The following ATXN8OS variants were observed in gnomAD, a reference collection of about 807,000 sequenced individuals.
The protein encoded by ATXN8OS is ATXN8 opposite strand (non-protein coding).
chr13:70,132,656 T>C (rs1222818107), intron 3 of ATXN8OS, among the ~76,000 whole-genome samples: 3 of 152,184 alleles, frequency 2.0e-5, no homozygotes, highest in Non-Finnish European at 4.4e-5. Flanking sequence ...CTCATTGAGA[T>C]AGACTACATA....
chr13:70,112,317 TATAAA>T (rs1888208317), intron 1 of ATXN8OS, among the ~76,000 whole-genome samples: 2 of 152,172 alleles, frequency 1.3e-5, no homozygotes, highest in African/African-American at 4.8e-5. Context: ...CATACATTAA[TATAAA>T]ATATTATTTA....
At chr13:70,165,456 T>G (rs1015108212) in intron 4 of ATXN8OS, among the ~76,000 whole-genome samples, 2 of 151,912 alleles carry the variant, frequency 1.3e-5, no homozygotes, top group African/African-American at 2.4e-5. Context: ...TTTAAAAAAC[T>G]TATTGAATAC....
chr13:70,107,786 G>A (rs1033866933), exon 1 of ATXN8OS: 1 of 1,041,508 alleles, frequency 9.6e-7, no homozygotes, highest in South Asian at 1.7e-5. Flanking sequence ...GCCCGGGGGC[G>A]GAGGAAGAGG....
chr13:70,153,548 C>A (rs1469604031), intron 4 of ATXN8OS, among the ~76,000 whole-genome samples: 1 of 151,884 alleles, frequency 6.6e-6, no homozygotes, highest in Non-Finnish European at 1.5e-5. Flanking sequence ...GCACTCCAGC[C>A]CGGGCAACAG....
chr13:70,145,537 T>C (rs1228462826), intron 3 of ATXN8OS, among the ~76,000 whole-genome samples: 1 of 152,008 alleles, frequency 6.6e-6, no homozygotes, highest in Non-Finnish European at 1.5e-5. Flanking sequence ...TGAGCAGTGG[T>C]TTGTAGTTCT....
chr13:70,169,120 A>G (rs773026535), intron 4 of ATXN8OS, among the ~76,000 whole-genome samples: 3 of 152,160 alleles, frequency 2.0e-5, no homozygotes, highest in Admixed American at 2.0e-4. Flanking sequence ...TAAGATAATA[A>G]AATGGAATTT....
intron 2 of ATXN8OS, among the ~76,000 whole-genome samples, chr13:70,124,319 G>A (rs1888399031): frequency 6.6e-6 from 1 of 151,134 alleles, no homozygotes; most frequent in Admixed American, 6.6e-5. Flanking sequence ...AGATACACAA[G>A]CAAATATATA....
At chr13:70,119,322 G>C (rs2137473875) in intron 2 of ATXN8OS, among the ~76,000 whole-genome samples, 1 of 152,132 alleles carries the variant, frequency 6.6e-6, no homozygotes, top group South Asian at 2.1e-4. Context: ...TTTTTAACAA[G>C]AGAGAATTTT....
intron 1 of ATXN8OS, among the ~76,000 whole-genome samples, chr13:70,110,864 G>A (rs1427870456): frequency 6.6e-6 from 1 of 152,114 alleles, no homozygotes; most frequent in African/African-American, 2.4e-5. Flanking sequence ...ATTGACTTGT[G>A]AGTCAATTAA....
chr13:70,146,078 A>C, intron 3 of ATXN8OS, among the ~76,000 whole-genome samples: 1 of 129,686 alleles, frequency 7.7e-6, no homozygotes, highest in East Asian at 2.6e-4. Context: ...AAAAAAAAAA[A>C]CAACCCCATC....
chr13:70,118,940 A>G (rs2137473589), intron 2 of ATXN8OS, among the ~76,000 whole-genome samples: 1 of 151,770 alleles, frequency 6.6e-6, no homozygotes, highest in South Asian at 2.1e-4. Flanking sequence ...TTGCAAACCC[A>G]GACTATAGAT....
chr13:70,138,140 A>G (rs951136996), intron 3 of ATXN8OS, among the ~76,000 whole-genome samples: 4 of 152,188 alleles, frequency 2.6e-5, no homozygotes, highest in Admixed American at 2.6e-4. Context: ...TTGGGTGCCG[A>G]CACAGAGCCA....
intron 3 of ATXN8OS, among the ~76,000 whole-genome samples, chr13:70,143,334 T>A (rs1888741265): frequency 6.6e-6 from 1 of 152,132 alleles, no homozygotes; most frequent in Non-Finnish European, 1.5e-5. Context: ...CCAGAGGAAT[T>A]TACCTATTGA....
chr13:70,151,899 A>C (rs1888872899), intron 4 of ATXN8OS, among the ~76,000 whole-genome samples: 1 of 152,078 alleles, frequency 6.6e-6, no homozygotes, highest in Admixed American at 6.6e-5. Context: ...ATTGAGGTAA[A>C]ATCAGTAAAT....
intron 3 of ATXN8OS, chr13:70,130,860 G>A (rs1158799966): frequency 5.0e-6 from 2 of 398,322 alleles, no homozygotes; most frequent in Non-Finnish European, 8.8e-6. Flanking sequence ...TATAGAGAAG[G>A]CAGCAAATCA....
At chr13:70,131,124 T>C (rs1888527396) in intron 3 of ATXN8OS, 1 of 398,466 alleles carries the variant, frequency 2.5e-6, no homozygotes, top group Non-Finnish European at 4.4e-6. Flanking sequence ...TGTAAGAATA[T>C]CCAAGGGCAC....
chr13:70,110,174 G>T (rs2090533264), intron 1 of ATXN8OS, among the ~76,000 whole-genome samples: 1 of 152,046 alleles, frequency 6.6e-6, no homozygotes, highest in African/African-American at 2.4e-5. Flanking sequence ...TAAAAATATT[G>T]TCACATTTAG....
intron 4 of ATXN8OS, among the ~76,000 whole-genome samples, chr13:70,163,683 A>G (rs949769386): frequency 6.6e-6 from 1 of 151,926 alleles, no homozygotes; most frequent in African/African-American, 2.4e-5. Context: ...AAATATCTCA[A>G]TTTGTAGAGA....
chr13:70,129,926 G>A (rs537138602), intron 3 of ATXN8OS: 103 of 398,384 alleles, frequency 2.6e-4, no homozygotes, highest in African/African-American at 1.9e-3. Context: ...ATGGCCAGGT[G>A]TGTGCCATTA....
Sources: allele counts gnomAD v4.1 joint callset (sites outside exome capture counted in the v4.1 genomes callset), GRCh38; gene constraint gnomAD v4.1.1; transcripts MANE v1.5; gene names NCBI Gene and HGNC (gene_info 2026-07-23, HGNC 2026-07-21).